Variants in OR1R1 observed in about 807,000 individuals in gnomAD.
The protein encoded by OR1R1 is olfactory receptor family 1 subfamily R member 1.
the OR1R1 span, chr17:3,386,303 C>T: frequency 5.0e-6 from 2 of 398,428 alleles, no homozygotes; most frequent in Non-Finnish European, 8.9e-6. Flanking sequence ...CGCCCGACGG[C>T]GGCGTGCCGG....
the OR1R1 span, chr17:3,386,445 C>G: frequency 7.3e-5 from 29 of 398,334 alleles, no homozygotes; most frequent in Non-Finnish European, 1.2e-4. Flanking sequence ...CCTACCCCAC[C>G]CCCGTGCGCC....
At chr17:3,386,443 A>AC in the OR1R1 span, 3 of 390,804 alleles carry the variant, frequency 7.7e-6, no homozygotes, top group Non-Finnish European at 1.3e-5. Flanking sequence ...CCCCTACCCC[A>AC]CCCCCGTGCG....
the OR1R1 span, chr17:3,386,426 T>C: frequency 2.5e-6 from 1 of 398,338 alleles, no homozygotes; most frequent in Non-Finnish European, 4.4e-6. Flanking sequence ...CTCTCCGCGC[T>C]CTCCTACCCC....
At chr17:3,386,661 G>GGCGGTA in the OR1R1 span, 1 of 398,574 alleles carries the variant, frequency 2.5e-6, no homozygotes, top group Non-Finnish European at 4.4e-6. Flanking sequence ...CCCACCTAGT[G>GGCGGTA]GCGGTGGCGG....
the OR1R1 span, chr17:3,386,863 C>G: frequency 3.5e-5 from 14 of 398,458 alleles, no homozygotes. Context: ...GGCTGCACCC[C>G]AAGAGGCGTG....
At chr17:3,386,306 C>T in the OR1R1 span, 9 of 398,314 alleles carry the variant, frequency 2.3e-5, no homozygotes, top group African/African-American at 6.2e-5. Context: ...CCGACGGCGG[C>T]GTGCCGGCCC....
chr17:3,386,393 A>C, the OR1R1 span: 6 of 397,998 alleles, frequency 1.5e-5, no homozygotes, highest in African/African-American at 1.2e-4. Context: ...ACGCACCTGC[A>C]CTCGCTGCTG....
chr17:3,386,522 C>T, the OR1R1 span: 1 of 398,442 alleles, frequency 2.5e-6, no homozygotes. Context: ...GCGGAGACGG[C>T]CATCTTCTCC....
chr17:3,386,311 CG>C, the OR1R1 span: 1 of 398,404 alleles, frequency 2.5e-6, no homozygotes, highest in Non-Finnish European at 4.4e-6. Flanking sequence ...GGCGGCGTGC[CG>C]GCCCCTGCGC....
the OR1R1 span, chr17:3,386,124 C>G: frequency 2.5e-6 from 1 of 398,792 alleles, no homozygotes; most frequent in South Asian, 1.3e-4. Flanking sequence ...TCTTGGGTCA[C>G]CTGAGCCTCG....
the OR1R1 span, chr17:3,386,657 T>TGGTGGC: frequency 1.1e-5 from 4 of 361,392 alleles, no homozygotes; most frequent in East Asian, 7.7e-5. Flanking sequence ...GGGGCCCACC[T>TGGTGGC]AGTGGCGGTG....
chr17:3,386,358 G>C, the OR1R1 span: 1 of 398,134 alleles, frequency 2.5e-6, no homozygotes, highest in Non-Finnish European at 4.4e-6. Flanking sequence ...GCTGCGCCTC[G>C]CTGGTGCGTG....
the OR1R1 span, chr17:3,386,663 C>CGGTGGT: frequency 5.0e-6 from 2 of 398,620 alleles, no homozygotes; most frequent in Non-Finnish European, 8.8e-6. Flanking sequence ...CACCTAGTGG[C>CGGTGGT]GGTGGCGGTG....
the OR1R1 span, chr17:3,385,967 T>G: frequency 2.5e-6 from 1 of 393,390 alleles, no homozygotes; most frequent in Admixed American, 4.6e-5. Flanking sequence ...CCCGTGTTCC[T>G]CCTCCTCGGC....
At chr17:3,386,074 G>C in the OR1R1 span, 4 of 398,688 alleles carry the variant, frequency 1.0e-5, no homozygotes, top group Admixed American at 1.3e-4. Flanking sequence ...GGTGGCGCTG[G>C]TGAGATCCGA....
the OR1R1 span, chr17:3,386,133 C>T: frequency 2.5e-6 from 1 of 398,750 alleles, no homozygotes. Context: ...ACCTGAGCCT[C>T]GTGGACGTCT....
chr17:3,386,658 A>AGTGGTG, the OR1R1 span: 2 of 397,522 alleles, frequency 5.0e-6, no homozygotes, highest in East Asian at 3.6e-5. Flanking sequence ...GGGCCCACCT[A>AGTGGTG]GTGGCGGTGG....
the OR1R1 span, chr17:3,386,535 G>A: frequency 2.5e-6 from 1 of 398,410 alleles, no homozygotes; most frequent in Non-Finnish European, 4.4e-6. Context: ...TCTTCTCCGA[G>A]GGCCTGGCCG....
the OR1R1 span, chr17:3,386,408 C>T: frequency 5.0e-6 from 2 of 398,562 alleles, no homozygotes; most frequent in Non-Finnish European, 8.8e-6. Context: ...CTGCTGCACA[C>T]GCTGCTCCTC....
Sources: gnomAD v4.1 joint callset for allele counts on GRCh38, gnomAD v4.1.1 for gene constraint, MANE v1.5 for transcripts, NCBI Gene and HGNC (gene_info 2026-07-23, HGNC 2026-07-21) for gene names.